Variants in LSM14B observed in about 807,000 individuals in gnomAD.
LSM14B encodes the protein protein LSM14 homolog B.
Under a neutral mutation model 42.1 loss-of-function variants are expected in LSM14B, and 8 were observed. The ratio of observed to expected loss-of-function variants is 0.19; its 90% CI spans 0.11 to 0.34. The LOEUF is 0.34. Among genes scored for constraint, LSM14B ranks in the 10% least tolerant of loss-of-function variants. The probability of loss-of-function intolerance (pLI) is 1.00; values close to 1 mark genes in which losing one functional copy is unlikely to be tolerated. For missense variants in LSM14B, 396 were observed against 513.1 expected, an observed-to-expected ratio of 0.77 and a Z score of 2.21; for synonymous variants, 219 against 209.7, an observed-to-expected ratio of 1.04 and a Z score of -0.38.
chr20:62,131,506 G>C lies in LSM14B; in HGVS notation c.986G>C (p.Ser329Thr), dbSNP rs1327030207. ...FDNISSELKT[S>T]SRRTTWAEER... ...AACATCTCTTCTGAACTCAAGACCA[G>C]GTGAGAGGCTGAATGAATGAGGGGA... is the stretch of plus-strand genomic sequence containing the variant. The change falls in exon 7 of 9, where the codon AGC (serine) becomes ACC (threonine). Residue 329 changes from serine to threonine, a missense_variant and splice_region_variant. Ser to Thr is a moderately conservative substitution (Grantham distance 58). This residue lies in a region of LSM14B where 118 missense variants were observed against 156.4 expected (regional missense o/e 0.75). Coordinates refer to ENST00000279068, the MANE Select transcript of LSM14B (RefSeq NM_144703.3). The C allele has an allele frequency of 6.2e-7, 1 of 1,612,850 alleles. No homozygotes were observed. The highest frequency in any genetic ancestry group is 1.1e-5 in the South Asian group (1 of 91,082).
chr20:62,127,840 C>T (rs747691075), intron 3 of LSM14B: 64 of 733,152 alleles, frequency 8.7e-5, no homozygotes, highest in Non-Finnish European at 2.5e-5. Flanking sequence ...TGTTTTGCTT[C>T]AGCATGTAGT....
At chr20:62,131,335 G>A (rs757911550) in intron 6 of LSM14B, 21 bp from the exon 7 acceptor site, 9 of 1,573,462 alleles carry the variant, frequency 5.7e-6, no homozygotes, top group South Asian at 4.8e-5. Context: ...CCATCTCCAC[G>A]TGTTCTGCTT....
At position 62,131,471 on chromosome 20, in the gene LSM14B, G is replaced by A. The variant is rs368410194; in HGVS notation, c.951G>A (p.Ser317=). Residue 317 remains serine, a synonymous_variant, in exon 7 of 9, where the codon TCG becomes TCA. Coordinates refer to ENST00000279068, the MANE Select transcript of LSM14B (RefSeq NM_144703.3). ...ACTGCTACTATGACAAATCCAAGTCGTTCTTCGACAACATCTCTTCTGAAC... is the reference window on the plus strand; with the variant it reads ...ACTGCTACTATGACAAATCCAAGTCATTCTTCGACAACATCTCTTCTGAAC... The part of the protein sequence containing the change: ...GPNCYYDKSK[S]FFDNISSELK... The A allele has an allele frequency of 9.3e-6, 15 of 1,613,764 alleles. No homozygotes were observed. Among genetic ancestry groups the A allele is most frequent in the Non-Finnish European group, 1.1e-5 (13 of 1,179,906 alleles).
At chr20:62,129,641 G>C in intron 3 of LSM14B, 144 bp from the exon 4 acceptor site, 2 of 900,118 alleles carry the variant, frequency 2.2e-6, no homozygotes, top group Non-Finnish European at 3.3e-6. Flanking sequence ...CCCAGTCTGG[G>C]GGTGCTTTGC....
chr20:62,127,590 T>C (rs2056643670), intron 3 of LSM14B: 28 of 1,550,050 alleles, frequency 1.8e-5, no homozygotes, highest in Non-Finnish European at 2.4e-5. Context: ...TTTAGAGAAG[T>C]TGGTAAGCCC....
In LSM14B at chr20:62,135,178, T is replaced by G. The variant is rs1568722162; in HGVS notation, c.*1030T>G. On this transcript the variant is annotated 3_prime_UTR_variant, in exon 9 of 9. Coordinates refer to ENST00000279068, the MANE Select transcript of LSM14B (RefSeq NM_144703.3). ...TGCGTCCTCTGAGTGACAGGGCATTTTGTCGAAAATAAGCACCTTGGTAAC... is the reference window on the plus strand; with the variant it reads ...TGCGTCCTCTGAGTGACAGGGCATTGTGTCGAAAATAAGCACCTTGGTAAC... 1.3e-5 allele frequency: 2 copies of G among 152,178 alleles called. No homozygotes were observed. The highest frequency in any genetic ancestry group is 4.8e-5 in the African/African-American group (2 of 41,434). The allele number at this position is 152,178 out of a possible 1,614,324, so 9.4% of individuals were successfully genotyped here.
chr20:62,126,238 C>G, intron 2 of LSM14B, 66 bp from the exon 3 acceptor site: 1 of 1,610,824 alleles, frequency 6.2e-7, no homozygotes, highest in East Asian at 2.2e-5. Context: ...GAACAAGCGC[C>G]CTGATGAAGG....
Position 62,135,208 on chromosome 20 carries a change from C to T in LSM14B, c.*1060C>T, listed in dbSNP as rs569110311. ...GAAAATAAGCACCTTGGTAACTAAACCCCTCTAATAGCTATAAAGGCTTTA... is the reference window on the plus strand; with the variant it reads ...GAAAATAAGCACCTTGGTAACTAAATCCCTCTAATAGCTATAAAGGCTTTA... On this transcript the variant is annotated 3_prime_UTR_variant, in exon 9 of 9. Coordinates refer to ENST00000279068, the MANE Select transcript of LSM14B (RefSeq NM_144703.3). 1 of 152,298 alleles carries T rather than the reference C, an allele frequency of 6.6e-6. No homozygotes were observed. The highest frequency in any genetic ancestry group is 2.1e-4 in the South Asian group (1 of 4,828). 9.4% of individuals were successfully genotyped at this position (152,298 alleles called of 1,614,324 possible).
intron 2 of LSM14B, among the ~76,000 whole-genome samples, chr20:62,125,081 A>C (rs1225970115): frequency 6.6e-6 from 1 of 152,130 alleles, no homozygotes; most frequent in African/African-American, 2.4e-5. Flanking sequence ...GGGTTTCACC[A>C]TGTTGGCCAG....
At chr20:62,123,702 G>A (rs1437833787) in intron 1 of LSM14B, among the ~76,000 whole-genome samples, 1 of 152,194 alleles carries the variant, frequency 6.6e-6, no homozygotes, top group South Asian at 2.1e-4. Flanking sequence ...GGCTCCCAGG[G>A]GTTCTTGAAG....
Position 62,130,224 on chromosome 20 carries a change from G to T in LSM14B, c.601G>T (p.Val201Phe). 1 of 1,601,312 alleles carries T rather than the reference G, an allele frequency of 6.2e-7. No individual in the cohort carries two copies. The highest frequency in any genetic ancestry group is 8.5e-7 in the Non-Finnish European group (1 of 1,173,988). The change falls in exon 5 of 9, where the codon GTC (valine) becomes TTC (phenylalanine). Residue 201 changes from valine to phenylalanine, a missense_variant. Physicochemically the swap from Val to Phe is conservative, Grantham distance 50. This residue lies in a region of LSM14B where 274 missense variants were observed against 335.8 expected (regional missense o/e 0.82). Transcript: ENST00000279068. The surrounding 1 kb of genome is among the most constrained non-coding windows in gnomAD (Gnocchi z 4.1). Reference sequence around the variant, plus strand: ...TCTTCCCTTTTGCGCCGTAGATGTAGTCCAGCCGGCAGCTGTGCAAGCTCA... The same window carrying T: ...TCTTCCCTTTTGCGCCGTAGATGTATTCCAGCCGGCAGCTGTGCAAGCTCA... ...QPSSKTASDV[V>F]QPAAVQAQGQ...
At chr20:62,126,067 AAAAAC>A (rs1165820322) in intron 2 of LSM14B, among the ~76,000 whole-genome samples, 29 of 152,356 alleles carry the variant, frequency 1.9e-4, no homozygotes, top group Admixed American at 7.8e-4. Context: ...TCAAAAAACA[AAAAAC>A]AAAACAAAAC....
At chr20:62,129,006 C>T in intron 3 of LSM14B, 2 of 1,303,656 alleles carry the variant, frequency 1.5e-6, no homozygotes, top group Non-Finnish European at 2.0e-6. Context: ...GGTCCTGGAA[C>T]CTTGGAAAGG....
rs1218272926 is a variant in LSM14B at position 62,122,876 on chromosome 20, C to T, written c.127+83C>T. Reference sequence around the variant, plus strand: ...GCGGTGCCCTCCCCGCCCCGGGGCGCCCCGGAGCCTGGCGCCCAGACCCCG... The same window carrying T: ...GCGGTGCCCTCCCCGCCCCGGGGCGTCCCGGAGCCTGGCGCCCAGACCCCG... On this transcript the variant is annotated intron_variant, in intron 1 of 8. Coordinates refer to ENST00000279068, the MANE Select transcript of LSM14B (RefSeq NM_144703.3). The surrounding 1 kb of genome is among the most constrained non-coding windows in gnomAD (Gnocchi z 4.6). The T allele has an allele frequency of 6.7e-6, 8 of 1,194,966 alleles. No homozygotes were observed. Among genetic ancestry groups the T allele is most frequent in the African/African-American group, 4.9e-5 (3 of 60,642 alleles). 74.0% of individuals were successfully genotyped at this position (1,194,966 alleles called of 1,614,324 possible).
intron 1 of LSM14B, among the ~76,000 whole-genome samples, chr20:62,123,637 A>G (rs1213391585): frequency 2.6e-5 from 4 of 152,230 alleles, no homozygotes; most frequent in African/African-American, 7.2e-5. Flanking sequence ...CTCAGAGAAA[A>G]GTGCCCGTGG....
chr20:62,128,809 A>C, intron 3 of LSM14B: 2 of 569,574 alleles, frequency 3.5e-6, no homozygotes, highest in Non-Finnish European at 5.5e-6. Flanking sequence ...GGTTACAAGG[A>C]ATTTTTCTAC....
At position 62,122,521 on chromosome 20, in the gene LSM14B, C is replaced by G. The variant is rs1416579310; in HGVS notation, c.-146C>G. ...TCGCTCGGTGCCCGCGCAGGCCCCT[C>G]GGGCGGTGGCGAGGAGGCGCCCAGG... On this transcript the variant is annotated 5_prime_UTR_variant, in exon 1 of 9. Transcript: ENST00000279068. The surrounding 1 kb of genome is among the most constrained non-coding windows in gnomAD (Gnocchi z 4.6). 2.0e-6 allele frequency: 1 copy of G among 497,008 alleles called. No individual in the cohort carries two copies. The highest frequency in any genetic ancestry group is 1.5e-4 in the East Asian group (1 of 6,542). The allele number at this position is 497,008 out of a possible 1,614,324, so 30.8% of individuals were successfully genotyped here.
In LSM14B at chr20:62,133,364, G is replaced by A. The variant is rs778585805; in HGVS notation, c.1061G>A (p.Arg354His). 11 of 1,613,248 alleles carry A rather than the reference G, an allele frequency of 6.8e-6. No homozygotes were observed. The highest frequency in any genetic ancestry group is 3.3e-5 in the Admixed American group (2 of 59,896). ...TTTGGGGTGTCAGGGAGGTTTCTTC[G>A]TGGCCGCAGTTCTCGGGGCGGATTC... ...ETFGVSGRFL[R>H]GRSSRGGFRG... is the part of the protein sequence containing the mutation. The change falls in exon 8 of 9, where the codon CGT becomes CAT. Residue 354 changes from arginine (R) to histidine (H), a missense_variant. Arg to His is a conservative substitution (Grantham distance 29). Around this residue, in one of 3 missense-constraint regions of LSM14B, gnomAD observed 118 missense variants for 156.4 expected, o/e 0.75. Coordinates refer to ENST00000279068, the MANE Select transcript of LSM14B (RefSeq NM_144703.3).
chr20:62,124,819 A>G, intron 2 of LSM14B, 39 bp downstream of exon 2: 2 of 1,569,654 alleles, frequency 1.3e-6, no homozygotes, highest in Non-Finnish European at 1.7e-6. Flanking sequence ...GCTGTAGGAG[A>G]TGCTGGTTTC....
Sources: gnomAD v4.1 joint callset for allele counts (sites outside exome capture counted in the v4.1 genomes callset) on GRCh38, gnomAD v4.1.1 for gene constraint, gnomAD v4.1.1 regional missense constraint, Gnocchi (gnomAD v3.1) non-coding constraint, MANE v1.5 for transcripts, NCBI Gene and HGNC (gene_info 2026-07-23, HGNC 2026-07-21) for gene names.